ALKBH3: variants seen among roughly 807,000 people sequenced by gnomAD.
The protein encoded by ALKBH3 is alpha-ketoglutarate-dependent dioxygenase alkB homolog 3.
A neutral mutation model predicts 43.9 loss-of-function variants in ALKBH3; 51 were observed. That is an observed-to-expected ratio of 1.16 (90% CI 0.93 to 1.47). ALKBH3 has a LOEUF of 1.47. ALKBH3 is among the 40% of genes most tolerant of loss of function. The pLI is 0.00. For missense variants in ALKBH3, 361 were observed against 351.9 expected (o/e 1.03, Z -0.21); for synonymous variants, 102 against 115.2 (o/e 0.89, Z 0.73).
At chr11:43,881,297 C>T (rs1951709196) in intron 1 of ALKBH3, 118 bp downstream of exon 1, 1 of 152,276 alleles carries the variant, frequency 6.6e-6, no homozygotes, top group Admixed American at 6.5e-5. Flanking sequence ...GCTTTATGTG[C>T]ATTAAGAATT....
chr11:43,899,702 T>C (rs1050707180), intron 7 of ALKBH3: 1 of 317,274 alleles, frequency 3.2e-6, no homozygotes, highest in African/African-American at 2.2e-5. Context: ...ATGGTAAACA[T>C]AGTCATTTCA....
At chr11:43,894,936 T>G (rs892693043) in intron 7 of ALKBH3, among the ~76,000 whole-genome samples, 1 of 152,230 alleles carries the variant, frequency 6.6e-6, no homozygotes, top group Non-Finnish European at 1.5e-5. Context: ...TTCTGGAGGC[T>G]TCTTGAGTCT....
intron 7 of ALKBH3, chr11:43,898,933 A>T (rs191646185): frequency 8.0e-6 from 6 of 746,544 alleles, no homozygotes; most frequent in East Asian, 2.5e-5. Flanking sequence ...CTGGTCCCCA[A>T]ATCTCTCTAC....
At chr11:43,883,291 A>C in intron 3 of ALKBH3, 103 bp downstream of exon 3, 1 of 757,714 alleles carries the variant, frequency 1.3e-6, no homozygotes, top group East Asian at 2.7e-5. Flanking sequence ...AAATTCACTA[A>C]TAGCAGAGCA....
chr11:43,917,825 C>G (rs1049526985), intron 8 of ALKBH3, among the ~76,000 whole-genome samples: 5 of 152,098 alleles, frequency 3.3e-5, no homozygotes, highest in African/African-American at 1.2e-4. Flanking sequence ...ATCACTGAAA[C>G]CAAAGTTATT....
intron 7 of ALKBH3, chr11:43,899,058 G>T: frequency 1.3e-6 from 1 of 748,512 alleles, no homozygotes; most frequent in Non-Finnish European, 2.5e-6. Context: ...GATTGTGGAT[G>T]CCTCTTCAGT....
At chr11:43,900,386 G>A (rs1159278595) in intron 7 of ALKBH3, among the ~76,000 whole-genome samples, 2 of 151,832 alleles carry the variant, frequency 1.3e-5, no homozygotes, top group East Asian at 3.9e-4. Flanking sequence ...ACCATGCCCA[G>A]CTGATTTTTG....
At chr11:43,900,348 C>A (rs946483359) in intron 7 of ALKBH3, among the ~76,000 whole-genome samples, 2 of 150,884 alleles carry the variant, frequency 1.3e-5, no homozygotes, top group Admixed American at 1.3e-4. Flanking sequence ...CTCAGCCTCC[C>A]GAGTAGCTGG....
At chr11:43,919,195 A>G in intron 9 of ALKBH3, 59 bp downstream of exon 9, 1 of 1,410,454 alleles carries the variant, frequency 7.1e-7, no homozygotes, top group Non-Finnish European at 1.0e-6. Context: ...CCTGACTCTG[A>G]GGACTATTTC....
At chr11:43,901,382 T>C in intron 7 of ALKBH3, 134 bp from the exon 8 acceptor site, 2 of 883,100 alleles carry the variant, frequency 2.3e-6, no homozygotes, top group Admixed American at 2.5e-5. Flanking sequence ...TTTATTGCAT[T>C]CCATGTGGTT....
chr11:43,910,305 C>T (rs1159103472), intron 8 of ALKBH3: 1 of 152,192 alleles, frequency 6.6e-6, no homozygotes, highest in East Asian at 1.9e-4. Context: ...TTTATCATTA[C>T]ATTCTTAGCA....
intron 8 of ALKBH3, among the ~76,000 whole-genome samples, chr11:43,908,515 C>T (rs539227815): frequency 1.3e-5 from 2 of 152,146 alleles, no homozygotes; most frequent in Non-Finnish European, 2.9e-5. Context: ...GGTGCTAGCA[C>T]CTGAGATAGA....
chr11:43,919,097 C>T lies in ALKBH3; in HGVS notation c.729C>T (p.Thr243=), dbSNP rs1318014013. The change falls in exon 9 of 10, where the codon ACC becomes ACT. Residue 243 remains threonine (T), a synonymous_variant. Coordinates refer to ENST00000302708, the MANE Select transcript of ALKBH3 (RefSeq NM_139178.4). ...ERVKIPLDHG[T]LLIMEGATQA... ...TGAAGATACCCTTGGATCATGGGAC[C>T]TTGTTAATCATGGAAGGAGCGACAC... The T allele has an allele frequency of 6.2e-7, 1 of 1,613,220 alleles. No homozygotes were observed. Among genetic ancestry groups the T allele is most frequent in the Non-Finnish European group, 8.5e-7 (1 of 1,179,408 alleles).
intron 6 of ALKBH3, among the ~76,000 whole-genome samples, chr11:43,891,730 G>A (rs1371675832): frequency 6.6e-6 from 1 of 152,190 alleles, no homozygotes; most frequent in African/African-American, 2.4e-5. Flanking sequence ...ACCGTCCCTA[G>A]TCTGAGCCCC....
At chr11:43,910,063 G>A (rs2292888) in intron 8 of ALKBH3, 26,359 of 152,206 alleles carry the variant, frequency 0.17, 2,670 homozygotes, top group South Asian at 0.32. Flanking sequence ...ACTTGCCCAT[G>A]TATTACCTGC....
intron 4 of ALKBH3, among the ~76,000 whole-genome samples, chr11:43,884,647 A>T (rs984061588): frequency 6.6e-6 from 1 of 152,222 alleles, no homozygotes; most frequent in Non-Finnish European, 1.5e-5. Flanking sequence ...AGCATCAGAT[A>T]TATGTTCTTG....
chr11:43,881,260 C>T (rs371884763), intron 1 of ALKBH3, 81 bp downstream of exon 1: 7 of 152,306 alleles, frequency 4.6e-5, no homozygotes, highest in African/African-American at 1.7e-4. Flanking sequence ...CGCCAGAGTC[C>T]TTGTATTTTA....
intron 7 of ALKBH3, chr11:43,898,237 C>T: frequency 1.1e-6 from 1 of 880,188 alleles, no homozygotes; most frequent in Middle Eastern, 2.3e-4. Context: ...CCAGGAGACC[C>T]ACAAGGGTGA....
intron 8 of ALKBH3, among the ~76,000 whole-genome samples, chr11:43,915,689 T>C (rs1951978327): frequency 6.6e-6 from 1 of 152,208 alleles, no homozygotes; most frequent in Non-Finnish European, 1.5e-5. Flanking sequence ...AGGAATATTC[T>C]ATAACCATAT....
Sources: gnomAD v4.1 joint callset for allele counts (sites outside exome capture counted in the v4.1 genomes callset) on GRCh38, gnomAD v4.1.1 for gene constraint, MANE v1.5 for transcripts, NCBI Gene and HGNC (gene_info 2026-07-23, HGNC 2026-07-21) for gene names.